RASSF6: variants seen among roughly 807,000 people sequenced by gnomAD.
RASSF6 encodes the protein Ras association domain family member 6.
RASSF6 carries 52 observed loss-of-function variants against 44.0 expected under a neutral mutation model. The observed-to-expected ratio is 1.18, with a 90% confidence interval of 0.95 to 1.49. The LOEUF (loss-of-function observed/expected upper bound fraction) is 1.49, where lower values mean the gene tolerates loss of function less well. Among genes scored for constraint, RASSF6 ranks in the 40% most tolerant of loss-of-function variants. RASSF6 has a pLI of 0.00. For missense variants in RASSF6, 464 were observed against 393.3 expected (o/e 1.18, Z -1.52); for synonymous variants, 162 against 124.6 (o/e 1.30, Z -2.00).
At position 73,587,432 on chromosome 4, in the gene RASSF6, C is replaced by A. The variant is rs183767299; in HGVS notation, c.382+408G>T. ...ATATCTATTAACTAACTAAAACGTT[C>A]AACTTCTAAAAAGATACAGAATTAG... On this transcript the variant is annotated intron_variant, in intron 5 of 10. Transcript: ENST00000307439. 2.6e-3 allele frequency among the ~76,000 whole-genome samples: 389 copies of A among 152,090 alleles called. 3 individuals are homozygous for A. Among genetic ancestry groups the A allele is most frequent in the African/African-American group, 9.0e-3 (374 of 41,508 alleles).
At position 73,620,425 on chromosome 4, in the gene RASSF6, C is replaced by A; in HGVS notation, c.-172G>T. On this transcript the variant is annotated 5_prime_UTR_variant, in exon 1 of 11. Coordinates refer to ENST00000307439, the MANE Select transcript of RASSF6 (RefSeq NM_177532.5). ...CCCTGTCTCTGCCGGGCTGGGACTC[C>A]GCGAGTCACTCACCTGTAGGGGAGG... The A allele has an allele frequency of 6.5e-7, 1 of 1,544,162 alleles. No individual in the cohort carries two copies. The highest frequency in any genetic ancestry group is 2.0e-5 in the Admixed American group (1 of 49,532).
chr4:73,597,503 G>T (rs994921589), intron 3 of RASSF6, among the ~76,000 whole-genome samples: 7 of 152,104 alleles, frequency 4.6e-5, no homozygotes, highest in African/African-American at 1.7e-4. Flanking sequence ...GGAGAAAAAG[G>T]AACCCTTATA....
At chr4:73,609,948 G>T (rs1180272797) in intron 2 of RASSF6, among the ~76,000 whole-genome samples, 4 of 152,120 alleles carry the variant, frequency 2.6e-5, no homozygotes, top group African/African-American at 7.2e-5. Flanking sequence ...CACATGATTA[G>T]TTCTGGGGTG....
chr4:73,604,951 G>A (rs891782396), intron 2 of RASSF6, among the ~76,000 whole-genome samples: 1 of 147,044 alleles, frequency 6.8e-6, no homozygotes, highest in African/African-American at 2.5e-5. Context: ...GTGCAATGGT[G>A]TGATCTCATC....
At chr4:73,582,131 T>C in intron 7 of RASSF6, 58 bp downstream of exon 7, 1 of 815,326 alleles carries the variant, frequency 1.2e-6, no homozygotes, top group Non-Finnish European at 1.9e-6. Flanking sequence ...TGGATTTGTG[T>C]GTTTATAGTT....
At chr4:73,595,694 T>C (rs1276799286) in intron 3 of RASSF6, among the ~76,000 whole-genome samples, 1 of 139,532 alleles carries the variant, frequency 7.2e-6, no homozygotes, top group Non-Finnish European at 1.6e-5. Context: ...CTAAATTTTA[T>C]ATTTTTATAA....
intron 2 of RASSF6, among the ~76,000 whole-genome samples, chr4:73,605,593 C>T (rs1231197077): frequency 1.3e-5 from 2 of 152,192 alleles, no homozygotes; most frequent in South Asian, 2.1e-4. Context: ...AGGTTATTCG[C>T]ATTTCCTTTG....
chr4:73,613,025 CT>C (rs1195150494), intron 1 of RASSF6, among the ~76,000 whole-genome samples: 3 of 152,160 alleles, frequency 2.0e-5, no homozygotes, highest in Non-Finnish European at 4.4e-5. Context: ...TATCTGGTCC[CT>C]TTTAGTCCCC....
rs1484093816 is a variant in RASSF6 at position 73,573,817 on chromosome 4, C to T, written c.*2418G>A. The T allele has an allele frequency of 6.6e-6, 1 of 152,180 alleles. No homozygotes were observed. Among genetic ancestry groups the T allele is most frequent in the East Asian group, 1.9e-4 (1 of 5,196 alleles). 9.4% of individuals were successfully genotyped at this position (152,180 alleles called of 1,614,324 possible). ...CCACATTCACTGTTGGTTGCCCGCT[C>T]CGTGAAAATAGATATAGACTCTTGA... On this transcript the variant is annotated 3_prime_UTR_variant, in exon 11 of 11. Transcript: ENST00000307439.
chr4:73,609,612 C>A (rs1046264752), intron 2 of RASSF6, among the ~76,000 whole-genome samples: 4 of 152,172 alleles, frequency 2.6e-5, no homozygotes, highest in African/African-American at 7.2e-5. Context: ...AATTTCCATT[C>A]TTTTCATGTA....
At position 73,576,719 on chromosome 4, in the gene RASSF6, A is replaced by G; in HGVS notation, c.734T>C (p.Leu245Pro). 6.2e-7 allele frequency: 1 copy of G among 1,606,540 alleles called. No individual in the cohort carries two copies. The highest frequency in any genetic ancestry group is 1.3e-5 in the African/African-American group (1 of 74,800). ...CAGTAGCGGAATGTCTGTCTTCTTT[A>G]GTCGTCTTTGTTCTGCAGTGAAAAC... ...IIFATGEQRR[L>P]KKTDIPLLQR... Residue 245 changes from leucine (L) to proline (P), a missense_variant, in exon 9 of 11, where the codon CTA becomes CCA. Physicochemically the swap from Leu to Pro is moderately conservative, Grantham distance 98 (BLOSUM62 -3). Transcript: ENST00000307439.
At position 73,595,456 on chromosome 4, in the gene RASSF6, C is replaced by T. The variant is rs546502539; in HGVS notation, c.145-1863G>A. Among the ~76,000 whole-genome samples, 23 of 152,214 alleles carry T rather than the reference C, an allele frequency of 1.5e-4. 1 individual carries two copies. The East Asian group carries it at 4.4e-3, about 29-fold the overall frequency. On this transcript the variant is annotated intron_variant, in intron 3 of 10. Transcript: ENST00000307439. ...TCAGGTGATCCACCTGCCTCGGCCT[C>T]CCAAAGTGCTGGGATTATAGGCATG...
At chr4:73,584,248 C>A (rs1171178073) in intron 6 of RASSF6, among the ~76,000 whole-genome samples, 4 of 152,028 alleles carry the variant, frequency 2.6e-5, no homozygotes, top group Admixed American at 6.6e-5. Context: ...AAGTAGAAAT[C>A]CTTACAGGAA....
At chr4:73,608,205 G>A (rs1725779652) in intron 2 of RASSF6, among the ~76,000 whole-genome samples, 1 of 151,718 alleles carries the variant, frequency 6.6e-6, no homozygotes, top group South Asian at 2.1e-4. Flanking sequence ...AACTTCTGGA[G>A]TCTCATAGAA....
At position 73,620,324 on chromosome 4, in the gene RASSF6, C is replaced by T; in HGVS notation, c.-71G>A. On this transcript the variant is annotated 5_prime_UTR_variant, in exon 1 of 11. In the 5' UTR this introduces an upstream ATG that the reference lacks. Transcript: ENST00000307439. The stretch of plus-strand genomic sequence containing the variant: ...ACTGTGAGCAGGAGGACCCTTTTCA[C>T]CATCGTTGTTCGGCTGAACTTGCTT... 2 of 1,475,570 alleles carry T rather than the reference C, an allele frequency of 1.4e-6. No homozygotes were observed. The highest frequency in any genetic ancestry group is 2.7e-5 in the East Asian group (1 of 37,360). 91.4% of individuals were successfully genotyped at this position (1,475,570 alleles called of 1,614,324 possible). A position where few individuals can be genotyped will look rare whatever the true frequency, so the allele number is the denominator to read the frequency against.
intron 4 of RASSF6, 142 bp from the exon 5 acceptor site, chr4:73,588,076 ATAT>A: frequency 2.1e-6 from 1 of 481,566 alleles, no homozygotes; most frequent in South Asian, 4.4e-5. Flanking sequence ...CAATTTTATG[ATAT>A]TATTAAAATT....
intron 1 of RASSF6, 138 bp downstream of exon 1, chr4:73,620,150 G>A (rs865803422): frequency 2.3e-4 from 107 of 459,878 alleles, no homozygotes; most frequent in Middle Eastern, 1.1e-3. Context: ...AAAGGAAAAG[G>A]CATGTGTGCG....
At chr4:73,583,070 G>T (rs76812241) in intron 6 of RASSF6, among the ~76,000 whole-genome samples, 323 of 152,160 alleles carry the variant, frequency 2.1e-3, no homozygotes, top group Non-Finnish European at 3.8e-3. Flanking sequence ...ATGATATGTT[G>T]TACACGTGGT....
Position 73,582,250 on chromosome 4 carries a change from AC to A in RASSF6, c.607del (p.Val203SerfsTer3). 6.3e-7 allele frequency: 1 copy of A among 1,596,770 alleles called. No individual in the cohort carries two copies. The highest frequency in any genetic ancestry group is 1.1e-5 in the South Asian group (1 of 88,368). On this transcript the variant is annotated frameshift_variant, in exon 7 of 11. Transcript: ENST00000307439. LOFTEE classifies it high-confidence loss of function. ...FIPAFESETK[V>X]RVNSNMRTEE... ...AGTTCTCATGTTACTGTTTACTCTGACCTTAGTTTCTGATTCAAAGGCTGGA... is the reference window on the plus strand; with the variant it reads ...AGTTCTCATGTTACTGTTTACTCTGACTTAGTTTCTGATTCAAAGGCTGGA...
Sources: allele counts gnomAD v4.1 joint callset (sites outside exome capture counted in the v4.1 genomes callset), GRCh38; gene constraint gnomAD v4.1.1; transcripts MANE v1.5; gene names NCBI Gene and HGNC (gene_info 2026-07-23, HGNC 2026-07-21).